The following WDR43 variants were observed in gnomAD, a reference collection of about 807,000 sequenced individuals.
WDR43 encodes the protein WD repeat-containing protein 43.
Under a neutral mutation model 91.4 loss-of-function variants are expected in WDR43, and 13 were observed. The observed-to-expected ratio is 0.14, with a 90% CI of 0.09 to 0.23. The LOEUF (loss-of-function observed/expected upper bound fraction) is 0.23, where lower values mean the gene tolerates loss of function less well. Ranked by LOEUF, WDR43 falls within the 10% of genes least tolerant of loss-of-function variation. The pLI is 1.00. For synonymous variants in WDR43, 331 were observed against 287.9 expected (o/e 1.15, Z -1.51); for missense variants, 780 against 809.4 (o/e 0.96, Z 0.44).
In WDR43 at chr2:28,946,956, T is replaced by C; in HGVS notation, c.*177T>C. ...AGACTTGACTGTGTAAATAAGAGTGTTTCATTCAAATGTTAATAAACTTTA... is the reference window on the plus strand; with the variant it reads ...AGACTTGACTGTGTAAATAAGAGTGCTTCATTCAAATGTTAATAAACTTTA... On this transcript the variant is annotated 3_prime_UTR_variant, in exon 18 of 18. Transcript: ENST00000407426. 1 of 628,336 alleles carries C rather than the reference T, an allele frequency of 1.6e-6. No homozygotes were observed. Among genetic ancestry groups the C allele is most frequent in the Admixed American group, 3.4e-5 (1 of 29,828 alleles). 38.9% of individuals were successfully genotyped at this position (628,336 alleles called of 1,614,324 possible). A position where few individuals can be genotyped will look rare whatever the true frequency, so the allele number is the denominator to read the frequency against.
At position 28,926,457 on chromosome 2, in the gene WDR43, T is replaced by A; in HGVS notation, c.1087-11T>A. 3 of 1,523,596 alleles carry A rather than the reference T, an allele frequency of 2.0e-6. No individual in the cohort carries two copies. The highest frequency in any genetic ancestry group is 2.1e-5 in the Admixed American group (1 of 48,640). The allele number at this position is 1,523,596 out of a possible 1,614,324, so 94.4% of individuals were successfully genotyped here. A position where few individuals can be genotyped will look rare whatever the true frequency, so the allele number is the denominator to read the frequency against. On this transcript the variant is annotated splice_polypyrimidine_tract_variant and intron_variant, in intron 8 of 17. Coordinates refer to ENST00000407426, the MANE Select transcript of WDR43 (RefSeq NM_015131.3). ...CTCTCATCTTCCCCTTTAAAAAAAA[T>A]ATATTTTCAGGCTTTAAACTCCAGA...
At chr2:28,943,097 A>G (rs1206526174) in intron 16 of WDR43, among the ~76,000 whole-genome samples, 1 of 152,222 alleles carries the variant, frequency 6.6e-6, no homozygotes, top group Non-Finnish European at 1.5e-5. Flanking sequence ...ATGCCCAGAT[A>G]TTTTGAAGGT....
intron 6 of WDR43, among the ~76,000 whole-genome samples, chr2:28,920,837 C>A (rs764036723): frequency 6.6e-6 from 1 of 151,424 alleles, no homozygotes; most frequent in East Asian, 2.0e-4. Flanking sequence ...CCATCACGCC[C>A]GGCTAATTTT....
chr2:28,935,476 G>T, intron 11 of WDR43, 45 bp from the exon 12 acceptor site: 2 of 1,371,092 alleles, frequency 1.5e-6, no homozygotes, highest in East Asian at 2.4e-5. Flanking sequence ...GATGTCCTTG[G>T]TTTGTCAGTA....
chr2:28,918,787 G>A (rs1210555422), intron 6 of WDR43, among the ~76,000 whole-genome samples: 1 of 152,182 alleles, frequency 6.6e-6, no homozygotes, highest in Non-Finnish European at 1.5e-5. Context: ...TGTCATTGAA[G>A]TGCTTGCTGT....
chr2:28,940,811 C>T (rs985742815), intron 14 of WDR43, among the ~76,000 whole-genome samples: 1 of 152,144 alleles, frequency 6.6e-6, no homozygotes, highest in African/African-American at 2.4e-5. Context: ...CTGGAGGAGC[C>T]AGACCTTTAT....
chr2:28,926,332 A>G (rs1177352439), intron 8 of WDR43, 136 bp from the exon 9 acceptor site: 3 of 649,778 alleles, frequency 4.6e-6, no homozygotes, highest in African/African-American at 1.8e-5. Context: ...GAAGTCTTCC[A>G]TACTTTTTAA....
At chr2:28,928,082 T>G in intron 10 of WDR43, 1 of 191,394 alleles carries the variant, frequency 5.2e-6, no homozygotes. Context: ...CTAGTGCCAG[T>G]TGGTCTCTAA....
At chr2:28,910,586 A>G (rs1670773953) in intron 3 of WDR43, among the ~76,000 whole-genome samples, 1 of 150,920 alleles carries the variant, frequency 6.6e-6, no homozygotes, top group Admixed American at 6.6e-5. Flanking sequence ...CTATTTGTGT[A>G]TTGTGAGTAT....
chr2:28,929,543 T>C, intron 10 of WDR43, 36 bp from the exon 11 acceptor site: 1 of 1,490,306 alleles, frequency 6.7e-7, no homozygotes, highest in Non-Finnish European at 9.0e-7. Context: ...TTAAGTCTTG[T>C]CTGGTAACAC....
At chr2:28,910,059 A>G (rs1240175961) in intron 3 of WDR43, among the ~76,000 whole-genome samples, 1 of 152,204 alleles carries the variant, frequency 6.6e-6, no homozygotes, top group Non-Finnish European at 1.5e-5. Context: ...ATGTACATAC[A>G]TCTTAACTTG....
At chr2:28,919,643 G>A (rs537712012) in intron 6 of WDR43, among the ~76,000 whole-genome samples, 1 of 151,298 alleles carries the variant, frequency 6.6e-6, no homozygotes, top group Admixed American at 6.6e-5. Context: ...GTGACAGAGC[G>A]AGACTCCGTC....
chr2:28,916,036 T>C (rs1383039318), intron 5 of WDR43, among the ~76,000 whole-genome samples: 2 of 152,218 alleles, frequency 1.3e-5, no homozygotes, highest in Admixed American at 6.5e-5. Context: ...TGAAGTATAG[T>C]TGACATGTAA....
intron 10 of WDR43, 181 bp downstream of exon 10, chr2:28,927,881 T>A: frequency 3.2e-6 from 3 of 950,218 alleles, no homozygotes; most frequent in Non-Finnish European, 4.5e-6. Context: ...CATCTTTGTT[T>A]AACAGAGAAG....
At position 28,910,130 on chromosome 2, in the gene WDR43, A is replaced by T. The variant is rs115799304; in HGVS notation, c.486-2460A>T. ...TAGAGCTTGAGAGTGCATAATTCTC[A>T]CAAGTTCCCAGATCATGCTGATTTA... On this transcript the variant is annotated intron_variant, in intron 3 of 17. Coordinates refer to ENST00000407426, the MANE Select transcript of WDR43 (RefSeq NM_015131.3). Among the ~76,000 whole-genome samples the T allele has an allele frequency of 3.0e-3, 464 of 152,304 alleles. 5 individuals carry two copies. Among genetic ancestry groups the T allele is most frequent in the Non-Finnish European group, 4.3e-3 (292 of 68,030 alleles).
At chr2:28,920,661 T>C (rs1671007309) in intron 6 of WDR43, among the ~76,000 whole-genome samples, 1 of 152,044 alleles carries the variant, frequency 6.6e-6, no homozygotes, top group Admixed American at 6.6e-5. Context: ...ATGTAGAGAA[T>C]AGACTGAGGG....
chr2:28,926,633 T>TCA, intron 9 of WDR43, 79 bp downstream of exon 9: 2 of 1,238,946 alleles, frequency 1.6e-6, no homozygotes, highest in Non-Finnish European at 2.2e-6. Flanking sequence ...AGTATTATGA[T>TCA]TAAACTGAGT....
At chr2:28,940,997 A>T (rs139981703) in intron 14 of WDR43, among the ~76,000 whole-genome samples, 1 of 152,184 alleles carries the variant, frequency 6.6e-6, no homozygotes, top group South Asian at 2.1e-4. Context: ...ACTTTGTTCT[A>T]CTGGTCTCTG....
Position 28,941,481 on chromosome 2 carries a change from G to C in WDR43, c.1641G>C (p.Gln547His), listed in dbSNP as rs1469245001. Residue 547 changes from glutamine to histidine, a missense_variant, in exon 15 of 18, where the codon CAG (glutamine) becomes CAC (histidine). Coordinates refer to ENST00000407426, the MANE Select transcript of WDR43 (RefSeq NM_015131.3). Reference protein sequence around the residue: ...YLSTLPDLVPQLGTLYQLMES... With the variant: ...YLSTLPDLVPHLGTLYQLMES... Reference sequence around the variant, plus strand: ...TCTAGTTGCCTGACCTGGTACCCCAGCTGGGGACACTCTACCAGTTAATGG... The same window carrying C: ...TCTAGTTGCCTGACCTGGTACCCCACCTGGGGACACTCTACCAGTTAATGG... 1.2e-6 allele frequency: 2 copies of C among 1,613,190 alleles called. No homozygotes were observed. The highest frequency in any genetic ancestry group is 1.3e-5 in the African/African-American group (1 of 74,922).
Sources: gnomAD v4.1 joint callset for allele counts (sites outside exome capture counted in the v4.1 genomes callset) on GRCh38, gnomAD v4.1.1 for gene constraint, MANE v1.5 for transcripts, NCBI Gene and HGNC (gene_info 2026-07-23, HGNC 2026-07-21) for gene names.